Variants in TYW1B observed in about 807,000 individuals in gnomAD.
TYW1B encodes the protein S-adenosyl-L-methionine-dependent tRNA 4-demethylwyosine synthase TYW1B.
A neutral mutation model predicts 86.9 loss-of-function variants in TYW1B; 73 were observed. The observed-to-expected ratio is 0.84, with a 90% CI of 0.70 to 1.02. The LOEUF (loss-of-function observed/expected upper bound fraction) is 1.02. Ranked by LOEUF, TYW1B falls within the 50% of genes least tolerant of loss-of-function variation. The probability of loss-of-function intolerance (pLI) is 0.00; values close to 1 mark genes in which losing one functional copy is unlikely to be tolerated. For synonymous variants in TYW1B, 248 were observed against 292.8 expected (o/e 0.85, Z 1.56); for missense variants, 637 against 827.4 (o/e 0.77, Z 2.82).
intron 9 of TYW1B, among the ~76,000 whole-genome samples, chr7:72,724,715 A>C (rs1245736941): frequency 6.6e-6 from 1 of 152,204 alleles, no homozygotes; most frequent in Non-Finnish European, 1.5e-5. Flanking sequence ...CTGACATGGT[A>C]ACATGTTATC....
At chr7:72,729,028 T>G in intron 8 of TYW1B, 97 bp from the exon 9 acceptor site, 2 of 1,170,290 alleles carry the variant, frequency 1.7e-6, no homozygotes, top group Admixed American at 4.6e-5. Context: ...AATCACAAAA[T>G]CAGGACTGGT....
At chr7:72,719,523 C>G (rs1219528266) in intron 9 of TYW1B, among the ~76,000 whole-genome samples, 16 of 145,468 alleles carry the variant, frequency 1.1e-4, no homozygotes, top group Admixed American at 9.4e-4. Context: ...CCTAGCTATT[C>G]GGGAGGCTGA....
intron 11 of TYW1B, among the ~76,000 whole-genome samples, chr7:72,659,626 G>T (rs551854960): frequency 1.3e-5 from 2 of 152,238 alleles, no homozygotes; most frequent in East Asian, 1.9e-4. Context: ...TGTGTAAGAG[G>T]CAAGTTGAGG....
chr7:72,735,632 G>A (rs1216027904), intron 8 of TYW1B, among the ~76,000 whole-genome samples: 1 of 151,462 alleles, frequency 6.6e-6, no homozygotes, highest in African/African-American at 2.4e-5. Context: ...GACTTTGGAA[G>A]GCCAAGGGAG....
intron 9 of TYW1B, among the ~76,000 whole-genome samples, chr7:72,717,626 T>C (rs1786815500): frequency 1.3e-5 from 2 of 150,496 alleles, no homozygotes; most frequent in Non-Finnish European, 2.9e-5. Context: ...AGTTAAGGTA[T>C]TGGTGTCAGC....
At chr7:72,745,851 G>GGTGTGTGT (rs1162824267) in intron 7 of TYW1B, among the ~76,000 whole-genome samples, 125 of 75,138 alleles carry the variant, frequency 1.7e-3, no homozygotes, top group African/African-American at 3.8e-3. Context: ...CGTGTATAGG[G>GGTGTGTGT]GTGTGTGTGT....
At chr7:72,646,656 G>A (rs376373900) in intron 11 of TYW1B, among the ~76,000 whole-genome samples, 1 of 152,130 alleles carries the variant, frequency 6.6e-6, no homozygotes, top group Non-Finnish European at 1.5e-5. Flanking sequence ...TTACAGGTGT[G>A]AGCCACCACG....
intron 13 of TYW1B, among the ~76,000 whole-genome samples, chr7:72,588,138 T>G (rs1369285637): frequency 6.6e-6 from 1 of 152,212 alleles, no homozygotes; most frequent in Non-Finnish European, 1.5e-5. Flanking sequence ...TGGTAATAAG[T>G]AGGATTCACA....
chr7:72,716,631 C>CTGTTGTTGT (rs138304885), intron 9 of TYW1B, among the ~76,000 whole-genome samples: 4 of 149,206 alleles, frequency 2.7e-5, no homozygotes, highest in African/African-American at 7.4e-5. Flanking sequence ...GGGGCTGTGG[C>CTGTTGTTGT]TGTTGTTGTT....
intron 11 of TYW1B, among the ~76,000 whole-genome samples, chr7:72,657,415 T>TA (rs1168921894): frequency 7.2e-5 from 11 of 152,184 alleles, no homozygotes; most frequent in African/African-American, 2.2e-4. Context: ...GACAAAGGTA[T>TA]AAAAAACCTA....
At chr7:72,723,095 G>A (rs1585930782) in intron 9 of TYW1B, 2 of 961,884 alleles carry the variant, frequency 2.1e-6, no homozygotes, top group South Asian at 3.8e-5. Flanking sequence ...CCACCCCACT[G>A]AGGGAGTTCC....
intron 11 of TYW1B, among the ~76,000 whole-genome samples, chr7:72,632,293 ATATATACGTGTATATATAT>A (rs1812514822): frequency 2.7e-5 from 3 of 111,708 alleles, no homozygotes; most frequent in Admixed American, 1.0e-4. Flanking sequence ...GTGTATATAT[ATATATACGTGTATATATAT>A]TATATATATT....
intron 5 of TYW1B, among the ~76,000 whole-genome samples, chr7:72,803,176 A>C (rs1292279591): frequency 2.0e-5 from 3 of 152,156 alleles, no homozygotes; most frequent in Non-Finnish European, 4.4e-5. Context: ...GTTCAAGACC[A>C]GCCTGGGCAA....
At chr7:72,606,152 T>C (rs1554434796) in intron 13 of TYW1B, among the ~76,000 whole-genome samples, 1 of 152,034 alleles carries the variant, frequency 6.6e-6, no homozygotes, top group African/African-American at 2.4e-5. Context: ...TATCCTGGAC[T>C]CGGCTGCAAG....
At chr7:72,704,890 T>TTC (rs141692163) in intron 10 of TYW1B, among the ~76,000 whole-genome samples, 10 of 151,918 alleles carry the variant, frequency 6.6e-5, no homozygotes, top group Admixed American at 5.9e-4. Context: ...TCTCTGCACT[T>TTC]TCTCTCTCTC....
At chr7:72,638,884 T>A (rs566116566) in intron 11 of TYW1B, among the ~76,000 whole-genome samples, 49 of 152,324 alleles carry the variant, frequency 3.2e-4, no homozygotes, top group African/African-American at 1.1e-3. Flanking sequence ...AGCCTTTAGT[T>A]GTAACTACCA....
At chr7:72,796,305 G>A (rs1332327037) in intron 6 of TYW1B, among the ~76,000 whole-genome samples, 2 of 76,050 alleles carry the variant, frequency 2.6e-5, no homozygotes, top group African/African-American at 4.3e-5. Context: ...GTGCAATGGC[G>A]CAATCTCAGC....
At chr7:72,727,830 AAAAGAAG>A (rs1554459015) in intron 9 of TYW1B, among the ~76,000 whole-genome samples, 1 of 145,988 alleles carries the variant, frequency 6.8e-6, no homozygotes, top group Non-Finnish European at 1.5e-5. Flanking sequence ...AAAAAAAAAA[AAAAGAAG>A]AAAGACAAAA....
intron 13 of TYW1B, among the ~76,000 whole-genome samples, chr7:72,578,431 C>A (rs1233629478): frequency 1.3e-5 from 2 of 152,084 alleles, no homozygotes; most frequent in African/African-American, 4.8e-5. Flanking sequence ...CACCTCTTAA[C>A]AAAGCTAGAA....
Sources: gnomAD v4.1 joint callset for allele counts (sites outside exome capture counted in the v4.1 genomes callset) on GRCh38, gnomAD v4.1.1 for gene constraint, MANE v1.5 for transcripts, NCBI Gene and HGNC (gene_info 2026-07-23, HGNC 2026-07-21) for gene names.